CSGALNACT1: variants seen among roughly 807,000 people sequenced by gnomAD.
The protein encoded by CSGALNACT1 is chondroitin sulfate N-acetylgalactosaminyltransferase 1.
A neutral mutation model predicts 51.0 loss-of-function variants in CSGALNACT1; 52 were observed. That is an observed-to-expected ratio of 1.02 (90% confidence interval 0.82 to 1.29). The LOEUF is 1.29. Among genes scored for constraint, CSGALNACT1 ranks in the 50% most tolerant of loss-of-function variants. The pLI, the probability that CSGALNACT1 is intolerant of heterozygous loss-of-function variation, is 0.00. For missense variants in CSGALNACT1, 935 were observed against 679.2 expected (o/e 1.38, Z -4.19); for synonymous variants, 341 against 254.4 (o/e 1.34, Z -3.24).
At chr8:19,543,854 G>C (rs985843213) in intron 3 of CSGALNACT1, among the ~76,000 whole-genome samples, 2 of 152,072 alleles carry the variant, frequency 1.3e-5, no homozygotes, top group East Asian at 3.9e-4. Context: ...ATGGCCTTGG[G>C]GACCCCTGAA....
At chr8:19,521,549 G>T (rs1023941475) in intron 3 of CSGALNACT1, among the ~76,000 whole-genome samples, 1 of 152,158 alleles carries the variant, frequency 6.6e-6, no homozygotes, top group African/African-American at 2.4e-5. Flanking sequence ...CAAGCTTGGT[G>T]GTGTGCGCTT....
At chr8:19,537,689 A>G (rs147436728) in intron 3 of CSGALNACT1, among the ~76,000 whole-genome samples, 89 of 152,334 alleles carry the variant, frequency 5.8e-4, no homozygotes, top group African/African-American at 2.0e-3. Context: ...TGACAAATCC[A>G]TAAGCAAACA....
At chr8:19,462,431 A>G (rs532187885) in intron 4 of CSGALNACT1, among the ~76,000 whole-genome samples, 2 of 152,364 alleles carry the variant, frequency 1.3e-5, no homozygotes, top group East Asian at 3.9e-4. Flanking sequence ...AGATGAAAAT[A>G]CAGATAGCAA....
intron 1 of CSGALNACT1, among the ~76,000 whole-genome samples, chr8:19,649,005 T>C (rs1307002291): frequency 1.3e-5 from 2 of 152,178 alleles, no homozygotes; most frequent in East Asian, 3.8e-4. Context: ...ATAATAGTAC[T>C]CTACTGTGTA....
chr8:19,442,509 G>A (rs2061481820), intron 5 of CSGALNACT1, among the ~76,000 whole-genome samples: 1 of 147,674 alleles, frequency 6.8e-6, no homozygotes, highest in Non-Finnish European at 1.5e-5. Context: ...TCATAGGTGG[G>A]AATTGAACAA....
intron 3 of CSGALNACT1, among the ~76,000 whole-genome samples, chr8:19,564,556 G>T (rs146375488): frequency 6.6e-6 from 1 of 152,128 alleles, no homozygotes; most frequent in Non-Finnish European, 1.5e-5. Flanking sequence ...GCTCCTCGAA[G>T]CTGCCCACAC....
At chr8:19,747,108 G>A (rs1308020262) in intron 1 of CSGALNACT1, among the ~76,000 whole-genome samples, 1 of 152,182 alleles carries the variant, frequency 6.6e-6, no homozygotes, top group African/African-American at 2.4e-5. Flanking sequence ...CCACCTTGGT[G>A]AAAAGTGCAA....
At chr8:19,747,899 A>G (rs1456738232) in intron 1 of CSGALNACT1, among the ~76,000 whole-genome samples, 1 of 152,198 alleles carries the variant, frequency 6.6e-6, no homozygotes, top group Non-Finnish European at 1.5e-5. Flanking sequence ...GCCCAGAAAT[A>G]AATGGGCCAT....
intron 1 of CSGALNACT1, among the ~76,000 whole-genome samples, chr8:19,642,214 T>C (rs942983649): frequency 6.6e-5 from 10 of 152,184 alleles, no homozygotes; most frequent in African/African-American, 2.4e-4. Context: ...GTTTTTGCTG[T>C]AGGAAGGGTA....
At chr8:19,691,740 G>A (rs759090106) in intron 1 of CSGALNACT1, among the ~76,000 whole-genome samples, 6 of 152,182 alleles carry the variant, frequency 3.9e-5, no homozygotes, top group African/African-American at 9.7e-5. Flanking sequence ...GTAAGATGGA[G>A]CTAACTATAC....
intron 3 of CSGALNACT1, among the ~76,000 whole-genome samples, chr8:19,524,147 G>A (rs1299678755): frequency 1.3e-5 from 2 of 152,064 alleles, no homozygotes; most frequent in Non-Finnish European, 2.9e-5. Flanking sequence ...AAAATTAGCT[G>A]GGCATTGTGG....
At chr8:19,666,940 AGAAAAAGAAAG>A (rs2059314158) in intron 1 of CSGALNACT1, among the ~76,000 whole-genome samples, 2 of 127,414 alleles carry the variant, frequency 1.6e-5, no homozygotes, top group Non-Finnish European at 3.3e-5. Flanking sequence ...AGAGAGAGAG[AGAAAAAGAAAG>A]AAAGAAAGAA....
intron 9 of CSGALNACT1, among the ~76,000 whole-genome samples, chr8:19,406,783 A>C (rs2054287358): frequency 6.6e-6 from 1 of 152,142 alleles, no homozygotes; most frequent in African/African-American, 2.4e-5. Flanking sequence ...CTCTCGGCTC[A>C]CTGCAATCTC....
At chr8:19,715,122 G>C (rs1331853621) in intron 1 of CSGALNACT1, among the ~76,000 whole-genome samples, 8 of 152,180 alleles carry the variant, frequency 5.3e-5, no homozygotes, top group African/African-American at 1.9e-4. Context: ...TTACATGGTG[G>C]CAGCAAAAGT....
At chr8:19,428,362 T>C (rs2059107402) in intron 6 of CSGALNACT1, among the ~76,000 whole-genome samples, 1 of 152,036 alleles carries the variant, frequency 6.6e-6, no homozygotes, top group Non-Finnish European at 1.5e-5. Flanking sequence ...AGGAGCAAAG[T>C]CACATCTTAC....
intron 6 of CSGALNACT1, among the ~76,000 whole-genome samples, chr8:19,425,214 G>C (rs1389072844): frequency 6.6e-6 from 1 of 152,098 alleles, no homozygotes; most frequent in African/African-American, 2.4e-5. Flanking sequence ...TGGTGGTGGC[G>C]CCTGTAGTCC....
At chr8:19,412,304 G>C (rs1187981192) in intron 8 of CSGALNACT1, among the ~76,000 whole-genome samples, 1 of 152,196 alleles carries the variant, frequency 6.6e-6, no homozygotes, top group Non-Finnish European at 1.5e-5. Flanking sequence ...CAGAGCCACA[G>C]CTCTGTGGAC....
chr8:19,487,457 C>CACA (rs1343936480), intron 4 of CSGALNACT1, among the ~76,000 whole-genome samples: 2 of 152,244 alleles, frequency 1.3e-5, no homozygotes, highest in East Asian at 3.9e-4. Flanking sequence ...TGGTGGAGCC[C>CACA]ACACCTACTG....
chr8:19,652,703 C>T (rs186895526), intron 1 of CSGALNACT1, among the ~76,000 whole-genome samples: 4 of 152,324 alleles, frequency 2.6e-5, no homozygotes, highest in African/African-American at 9.6e-5. Flanking sequence ...TCCCCACCTC[C>T]TGCTGTTCCA....
Sources: allele counts gnomAD v4.1 joint callset (sites outside exome capture counted in the v4.1 genomes callset), GRCh38; gene constraint gnomAD v4.1.1; transcripts MANE v1.5; gene names NCBI Gene and HGNC (gene_info 2026-07-23, HGNC 2026-07-21).